The following PLXDC1 variants were observed in gnomAD, a reference collection of about 807,000 sequenced individuals.
The protein encoded by PLXDC1 is plexin domain-containing protein 1.
PLXDC1 carries 39 observed loss-of-function variants against 61.3 expected under a neutral mutation model. That is an observed-to-expected ratio of 0.64 (90% CI 0.49 to 0.83). The LOEUF is 0.83. PLXDC1 is among the 40% of genes least tolerant of loss of function. The pLI is 0.00. For synonymous variants in PLXDC1, 212 were observed against 254.5 expected (o/e 0.83, Z 1.59); for missense variants, 596 against 666.5 (o/e 0.89, Z 1.17).
rs1406428720 is a variant in PLXDC1, at chr17:39,063,496, A to G, written c.*4344T>C. On this transcript the variant is annotated 3_prime_UTR_variant, in exon 14 of 14. Coordinates refer to ENST00000315392, the MANE Select transcript of PLXDC1 (RefSeq NM_020405.5). ...GAGCAGATAGCTGGAGGCTGTTCCC[A>G]CAGTCATGTCTCAGCGAAGAAGTCG... 2.8e-6 allele frequency: 2 copies of G among 702,898 alleles called. No individual in the cohort carries two copies. Among genetic ancestry groups the G allele is most frequent in the Non-Finnish European group, 5.2e-6 (2 of 385,018 alleles). 43.5% of individuals were successfully genotyped at this position (702,898 alleles called of 1,614,324 possible). A position where few individuals can be genotyped will look rare whatever the true frequency, so the allele number is the denominator to read the frequency against.
intron 9 of PLXDC1, 128 bp downstream of exon 9, chr17:39,083,330 AG>A: frequency 1.4e-6 from 1 of 726,280 alleles, no homozygotes; most frequent in Non-Finnish European, 2.5e-6. Flanking sequence ...CCCAAGAGTC[AG>A]AGTGGTACTG....
intron 2 of PLXDC1, among the ~76,000 whole-genome samples, chr17:39,118,647 G>A (rs3025167): frequency 0.014 from 2,130 of 152,258 alleles, 51 homozygotes; most frequent in African/African-American, 0.049. Flanking sequence ...AATGACGTTT[G>A]CCCCCAGACC....
intron 2 of PLXDC1, among the ~76,000 whole-genome samples, chr17:39,124,007 C>G (rs1423695836): frequency 6.6e-6 from 1 of 152,068 alleles, no homozygotes; most frequent in African/African-American, 2.4e-5. Context: ...ACATCCCAGT[C>G]CCTGCCCTTC....
intron 1 of PLXDC1, among the ~76,000 whole-genome samples, chr17:39,147,403 CT>C (rs1458645536): frequency 1.3e-5 from 2 of 152,184 alleles, no homozygotes; most frequent in Admixed American, 1.3e-4. Context: ...GAAACTCTTT[CT>C]CTGCTGCCCC....
At chr17:39,087,551 G>T in intron 8 of PLXDC1, 56 bp downstream of exon 8, 1 of 1,329,044 alleles carries the variant, frequency 7.5e-7, no homozygotes, top group Non-Finnish European at 1.1e-6. Flanking sequence ...GGGACATGAA[G>T]CCAGTCTGCT....
intron 2 of PLXDC1, chr17:39,137,612 C>T (rs1216228873): frequency 6.6e-6 from 1 of 152,126 alleles, no homozygotes; most frequent in Non-Finnish European, 1.5e-5. Context: ...TTCAGCCAAA[C>T]CACTAGTCAA....
intron 2 of PLXDC1, among the ~76,000 whole-genome samples, chr17:39,129,724 G>GAAAGAAAGAAAGAAAGAAAGAAAGA: frequency 1.4e-5 from 2 of 140,212 alleles, no homozygotes; most frequent in African/African-American, 5.3e-5. Flanking sequence ...AAGAAAGAAA[G>GAAAGAAAGAAAGAAAGAAAGAAAGA]AAAGAAAAGA....
chr17:39,134,533 C>T (rs542185021), intron 2 of PLXDC1, among the ~76,000 whole-genome samples: 13 of 149,126 alleles, frequency 8.7e-5, no homozygotes, highest in Non-Finnish European at 1.6e-4. Flanking sequence ...GGCTGAAGCA[C>T]GAGAATTGCT....
intron 7 of PLXDC1, among the ~76,000 whole-genome samples, chr17:39,091,958 CAAAAAAAAA>C (rs71141756): frequency 9.5e-6 from 1 of 105,386 alleles, no homozygotes; most frequent in Non-Finnish European, 1.9e-5. Context: ...GACTCTATCT[CAAAAAAAAA>C]AAAAAAAAAA....
chr17:39,151,315 T>G lies in PLXDC1; in HGVS notation c.76+47A>C. 8.0e-7 allele frequency: 1 copy of G among 1,244,668 alleles called. No individual in the cohort carries two copies. The highest frequency in any genetic ancestry group is 2.9e-5 in the South Asian group (1 of 34,752). 77.1% of individuals were successfully genotyped at this position (1,244,668 alleles called of 1,614,324 possible). On this transcript the variant is annotated intron_variant, in intron 1 of 13. Coordinates refer to ENST00000315392, the MANE Select transcript of PLXDC1 (RefSeq NM_020405.5). The surrounding 1 kb of genome is among the most constrained non-coding windows in gnomAD (Gnocchi z 5.2). ...GCCCATGCCCACACCTGACTGCCCGTCCCTCCCCGCCCCCGGCCCACCCGG... is the reference window on the plus strand; with the variant it reads ...GCCCATGCCCACACCTGACTGCCCGGCCCTCCCCGCCCCCGGCCCACCCGG...
At position 39,065,835 on chromosome 17, in the gene PLXDC1, C is replaced by G. The variant is rs1453436682; in HGVS notation, c.*2005G>C. On this transcript the variant is annotated 3_prime_UTR_variant, in exon 14 of 14. Coordinates refer to ENST00000315392, the MANE Select transcript of PLXDC1 (RefSeq NM_020405.5). ...GGAGGTAGGTACTTCACACACTGTG[C>G]ACACCCATCTCAGGCAGCCGTAGAC... is the stretch of plus-strand genomic sequence containing the variant. 3 of 152,344 alleles carry G rather than the reference C, an allele frequency of 2.0e-5. No homozygotes were observed. Among genetic ancestry groups the G allele is most frequent in the African/African-American group, 7.2e-5 (3 of 41,448 alleles). 9.4% of individuals were successfully genotyped at this position (152,344 alleles called of 1,614,324 possible).
At chr17:39,152,780 A>G (rs78488840), upstream of PLXDC1, 6,072 of 882,558 alleles carry the variant, frequency 6.9e-3, 67 homozygotes, top group Admixed American at 8.7e-3. Flanking sequence ...TAAAAAAAAA[A>G]AAAAGAAAAG....
At chr17:39,135,578 G>A (rs1055012984) in intron 2 of PLXDC1, among the ~76,000 whole-genome samples, 1 of 151,626 alleles carries the variant, frequency 6.6e-6, no homozygotes, top group South Asian at 2.1e-4. Flanking sequence ...TTGGGAGGCT[G>A]AGGCAGGAGA....
At chr17:39,149,885 A>G (rs1179242632) in intron 1 of PLXDC1, among the ~76,000 whole-genome samples, 1 of 152,216 alleles carries the variant, frequency 6.6e-6, no homozygotes, top group Non-Finnish European at 1.5e-5. Flanking sequence ...AGGAGCCCAG[A>G]AATTATTCAT....
chr17:39,152,165 G>A (rs1170090476), upstream of PLXDC1, among the ~76,000 whole-genome samples: 3 of 125,670 alleles, frequency 2.4e-5, no homozygotes, highest in African/African-American at 9.4e-5. Flanking sequence ...CCCCTTCCAT[G>A]ACTCCACCTT....
chr17:39,074,327 G>T (rs556598403), intron 11 of PLXDC1, among the ~76,000 whole-genome samples: 3 of 152,272 alleles, frequency 2.0e-5, no homozygotes, highest in South Asian at 2.1e-4. Flanking sequence ...AACATAGCAA[G>T]ATCCTGTTCC....
At chr17:39,107,608 G>A (rs762043401) in intron 5 of PLXDC1, 83 bp from the exon 6 acceptor site, 25 of 1,021,476 alleles carry the variant, frequency 2.4e-5, no homozygotes, top group Non-Finnish European at 3.3e-5. Context: ...GGAGGGCAGC[G>A]GCCACAGGTT....
intron 1 of PLXDC1, among the ~76,000 whole-genome samples, chr17:39,144,494 C>G (rs889277361): frequency 6.6e-6 from 1 of 152,240 alleles, no homozygotes; most frequent in Non-Finnish European, 1.5e-5. Flanking sequence ...CCTGGCCACC[C>G]TTCCTTCCCT....
At chr17:39,084,923 G>A (rs1172551234) in intron 8 of PLXDC1, among the ~76,000 whole-genome samples, 1 of 152,226 alleles carries the variant, frequency 6.6e-6, no homozygotes, top group Non-Finnish European at 1.5e-5. Flanking sequence ...GCGGCAAGTA[G>A]CTGTCACAAA....
Sources: gnomAD v4.1 joint callset for allele counts (sites outside exome capture counted in the v4.1 genomes callset) on GRCh38, gnomAD v4.1.1 for gene constraint, Gnocchi (gnomAD v3.1) non-coding constraint, MANE v1.5 for transcripts, NCBI Gene and HGNC (gene_info 2026-07-23, HGNC 2026-07-21) for gene names.